EPB41L1: variants seen among roughly 807,000 people sequenced by gnomAD.
EPB41L1 encodes erythrocyte membrane protein band 4.1 like 1, also known as band 4.1-like protein 1.
Under a neutral mutation model 97.8 loss-of-function variants are expected in EPB41L1, and 29 were observed. That is an observed-to-expected ratio of 0.30 (90% confidence interval 0.22 to 0.40). EPB41L1 has a LOEUF of 0.40. Ranked by LOEUF, EPB41L1 falls within the 10% of genes least tolerant of loss-of-function variation. The pLI is 1.00. For synonymous variants in EPB41L1, 383 were observed against 459.2 expected (o/e 0.83, Z 2.12); for missense variants, 812 against 1,162.3 (o/e 0.70, Z 4.38).
chr20:36,225,600 G>A lies in EPB41L1; in HGVS notation c.2637+3206G>A, dbSNP rs144769585. Among the ~76,000 whole-genome samples, 27 of 152,286 alleles carry A rather than the reference G, an allele frequency of 1.8e-4. No individual in the cohort carries two copies. The East Asian group carries it at 4.4e-3, about 25-fold the overall frequency. The stretch of plus-strand genomic sequence containing the variant: ...TGTGACCGTAGGTCCGTTTCTTCCC[G>A]CTTGAGGACTCGGTTTCCTCACTTG... On this transcript the variant is annotated intron_variant, in intron 21 of 21. Transcript: ENST00000338074.
intron 2 of EPB41L1, among the ~76,000 whole-genome samples, chr20:36,128,605 C>T (rs571340456): frequency 6.6e-6 from 1 of 152,320 alleles, no homozygotes; most frequent in Non-Finnish European, 1.5e-5. Context: ...CCCCGTGACA[C>T]TCATTACCAC....
At chr20:36,155,732 T>C in intron 1 of EPB41L1, 1 of 436,108 alleles carries the variant, frequency 2.3e-6, no homozygotes, top group East Asian at 7.1e-5. Flanking sequence ...GTCGTTGCTT[T>C]TCCCTCGGAG....
Position 36,175,606 on chromosome 20 carries a change from C to T in EPB41L1, c.233C>T (p.Thr78Ile). 1 of 1,614,170 alleles carries T rather than the reference C, an allele frequency of 6.2e-7. No individual in the cohort carries two copies. Among genetic ancestry groups the T allele is most frequent in the South Asian group, 1.1e-5 (1 of 91,088 alleles). The change falls in exon 3 of 22, where the codon ACC (threonine) becomes ATC (isoleucine). Residue 78 changes from threonine to isoleucine, a missense_variant. This residue lies in a region of EPB41L1 where 230 missense variants were observed against 445.2 expected (regional missense o/e 0.52). Coordinates refer to ENST00000338074, the MANE Select transcript of EPB41L1 (RefSeq NM_012156.2). ...GAGGCCGATGGCCTTTCGGAGAGGA[C>T]CACGCCCAGCAAGGCCCAGAAATCG... ...YSEADGLSERTTPSKAQKSPQ... is the reference protein window; with the variant it reads ...YSEADGLSERITPSKAQKSPQ...
intron 1 of EPB41L1, among the ~76,000 whole-genome samples, chr20:36,157,836 G>A (rs1185482723): frequency 2.6e-5 from 4 of 152,254 alleles, no homozygotes; most frequent in African/African-American, 7.2e-5. Flanking sequence ...CGAGGCCACA[G>A]TGGGGACTGG....
intron 1 of EPB41L1, among the ~76,000 whole-genome samples, chr20:36,102,284 A>G (rs968009858): frequency 1.3e-5 from 2 of 152,160 alleles, no homozygotes; most frequent in Non-Finnish European, 2.9e-5. Flanking sequence ...AAGAGTGTGC[A>G]TTGTCCCTAG....
chr20:36,156,475 G>A (rs745605916), intron 1 of EPB41L1, among the ~76,000 whole-genome samples: 7 of 152,210 alleles, frequency 4.6e-5, no homozygotes, highest in Non-Finnish European at 8.8e-5. Flanking sequence ...GAGAGTAAGA[G>A]TGACTTGGCC....
intron 2 of EPB41L1, among the ~76,000 whole-genome samples, chr20:36,132,232 T>G (rs2059237812): frequency 6.6e-6 from 1 of 152,108 alleles, no homozygotes; most frequent in African/African-American, 2.4e-5. Context: ...ATGGACCTTA[T>G]GGGGCCGAAG....
chr20:36,218,992 G>A (rs1290324787), intron 18 of EPB41L1, 30 bp downstream of exon 18: 2 of 1,607,974 alleles, frequency 1.2e-6, no homozygotes, highest in Non-Finnish European at 1.7e-6. Flanking sequence ...TCAGGCTAGG[G>A]GACTCCACAC....
chr20:36,219,986 T>C, intron 19 of EPB41L1, 142 bp downstream of exon 19: 2 of 818,748 alleles, frequency 2.4e-6, no homozygotes, highest in South Asian at 2.9e-5. Context: ...TACTGTGCGC[T>C]TTGTCCTGTG....
chr20:36,189,560 C>A (rs527735960), intron 9 of EPB41L1, among the ~76,000 whole-genome samples: 1 of 152,308 alleles, frequency 6.6e-6, no homozygotes, highest in Non-Finnish European at 1.5e-5. Flanking sequence ...TCTCGCTTCT[C>A]ACATAGCTGG....
chr20:36,161,522 C>G (rs1427257810), intron 1 of EPB41L1, among the ~76,000 whole-genome samples: 1 of 152,036 alleles, frequency 6.6e-6, no homozygotes, highest in East Asian at 1.9e-4. Flanking sequence ...GTTGCCCAGG[C>G]TGGAGTGCAG....
chr20:36,111,847 T>G (rs1569033016), intron 1 of EPB41L1, among the ~76,000 whole-genome samples: 1 of 150,948 alleles, frequency 6.6e-6, no homozygotes, highest in Non-Finnish European at 1.5e-5. Context: ...TCCAACCATA[T>G]TTATTTCACA....
intron 2 of EPB41L1, among the ~76,000 whole-genome samples, chr20:36,114,269 CT>C (rs1435256301): frequency 6.6e-6 from 1 of 152,178 alleles, no homozygotes; most frequent in Non-Finnish European, 1.5e-5. Flanking sequence ...CAGAACTTGT[CT>C]GGTTCTGGGG....
intron 1 of EPB41L1, 164 bp downstream of exon 1, chr20:36,155,060 T>A: frequency 1.5e-6 from 1 of 656,464 alleles, no homozygotes; most frequent in Non-Finnish European, 2.4e-6. Flanking sequence ...CCTCCCTACC[T>A]ACCGGTCTGC....
In EPB41L1 at chr20:36,101,426, C is replaced by T. The variant is rs558473815; in HGVS notation, c.-65+9814C>T. ...TTGTTGAGCCTCCACCCACCCCAAC[C>T]GAGACCATTATGTTGGTCAGCCTGG... On this transcript the variant is annotated intron_variant, in intron 1 of 19. Coordinates refer to the EPB41L1 transcript ENST00000202028. 3.9e-4 allele frequency among the ~76,000 whole-genome samples: 60 copies of T among 152,226 alleles called. No homozygotes were observed. In the South Asian group the frequency reaches 8.9e-3, roughly 23 times the overall value.
chr20:36,144,633 T>C (rs1450777373), intron 2 of EPB41L1, among the ~76,000 whole-genome samples: 1 of 152,194 alleles, frequency 6.6e-6, no homozygotes, highest in Non-Finnish European at 1.5e-5. Context: ...CCTCGGGTCC[T>C]GGAGGACAGG....
intron 21 of EPB41L1, among the ~76,000 whole-genome samples, chr20:36,225,308 C>G (rs1259549906): frequency 6.6e-6 from 1 of 152,184 alleles, no homozygotes; most frequent in East Asian, 1.9e-4. Context: ...CCTCCCAAAT[C>G]TCAGAGTGGT....
At chr20:36,164,835 G>A (rs764228685) in intron 1 of EPB41L1, among the ~76,000 whole-genome samples, 1 of 151,906 alleles carries the variant, frequency 6.6e-6, no homozygotes, top group Non-Finnish European at 1.5e-5. Context: ...ACAGGAGCCT[G>A]CCACCATGCC....
upstream of EPB41L1, chr20:36,151,716 A>T (rs187531259): frequency 1.9e-4 from 29 of 152,384 alleles, no homozygotes; most frequent in African/African-American, 7.0e-4. Flanking sequence ...ATTGTTGGGT[A>T]AAGTGGAAAG....
Sources: allele counts gnomAD v4.1 joint callset (sites outside exome capture counted in the v4.1 genomes callset), GRCh38; gene constraint gnomAD v4.1.1; regional missense constraint gnomAD v4.1.1; transcripts MANE v1.5; gene names NCBI Gene and HGNC (gene_info 2026-07-23, HGNC 2026-07-21).